ZNF385D: variants seen among roughly 807,000 people sequenced by gnomAD.
ZNF385D encodes zinc finger protein 659.
ZNF385D carries 15 observed loss-of-function variants against 35.8 expected under a neutral mutation model. The ratio of observed to expected loss-of-function variants is 0.42; its 90% confidence interval spans 0.28 to 0.64. The LOEUF is 0.64. ZNF385D is among the 30% of genes least tolerant of loss of function. The pLI, the probability that ZNF385D is intolerant of heterozygous loss-of-function variation, is 0.23. For synonymous variants in ZNF385D, 212 were observed against 186.8 expected (o/e 1.13, Z -1.10); for missense variants, 474 against 494.6 (o/e 0.96, Z 0.39).
At chr3:21,684,943 T>C (rs2067056637) in intron 1 of ZNF385D, among the ~76,000 whole-genome samples, 1 of 152,198 alleles carries the variant, frequency 6.6e-6, no homozygotes, top group Admixed American at 6.5e-5. Flanking sequence ...CAAACTCGTA[T>C]GGCAATTTGG....
rs527819216 is a variant in ZNF385D at position 22,351,206 on chromosome 3, G to GT, written c.106+21243dup. 3.7e-4 allele frequency among the ~76,000 whole-genome samples: 56 copies of GT among 152,168 alleles called. 1 individual carries two copies. The East Asian group carries it at 0.011, about 29-fold the overall frequency. The stretch of plus-strand genomic sequence containing the variant: ...ATGCAAAGTAGCCAGAATTGGTTTT[G>GT]TTTTCCATAAAGACAGTAATTTTAG... On this transcript the variant is annotated intron_variant, in intron 2 of 5. Transcript: ENST00000494108.
At chr3:21,699,006 A>G (rs1205918427) in intron 1 of ZNF385D, among the ~76,000 whole-genome samples, 1 of 152,254 alleles carries the variant, frequency 6.6e-6, no homozygotes, top group Non-Finnish European at 1.5e-5. Flanking sequence ...CCAAAGGATT[A>G]TAAATCATTC....
At chr3:21,768,066 T>C (rs1024314136) in intron 3 of ZNF385D, among the ~76,000 whole-genome samples, 21 of 152,074 alleles carry the variant, frequency 1.4e-4, no homozygotes, top group Non-Finnish European at 2.4e-4. Flanking sequence ...TCTGGCCTTG[T>C]TGTATGTAAT....
intron 3 of ZNF385D, among the ~76,000 whole-genome samples, chr3:22,084,986 A>C (rs1576291795): frequency 6.6e-6 from 1 of 152,220 alleles, no homozygotes; most frequent in Admixed American, 6.5e-5. Context: ...CCGGGTAAAT[A>C]ATGAAATGAA....
intron 3 of ZNF385D, among the ~76,000 whole-genome samples, chr3:22,032,266 A>G (rs1002391372): frequency 2.0e-5 from 3 of 152,174 alleles, no homozygotes; most frequent in Admixed American, 6.5e-5. Flanking sequence ...TTTTCACATT[A>G]TCTTTATACC....
intron 4 of ZNF385D, among the ~76,000 whole-genome samples, chr3:21,455,996 C>T (rs1354553246): frequency 6.6e-6 from 1 of 152,166 alleles, no homozygotes; most frequent in East Asian, 1.9e-4. Flanking sequence ...TGCTCATCAT[C>T]ACTGGCCATC....
At chr3:22,269,126 G>A (rs928692604) in intron 2 of ZNF385D, among the ~76,000 whole-genome samples, 1 of 151,900 alleles carries the variant, frequency 6.6e-6, no homozygotes, top group African/African-American at 2.4e-5. Flanking sequence ...CCCTGCCAAT[G>A]TATATCTGTA....
chr3:22,292,781 C>T (rs774879079), intron 2 of ZNF385D, among the ~76,000 whole-genome samples: 4 of 151,832 alleles, frequency 2.6e-5, no homozygotes, highest in Non-Finnish European at 5.9e-5. Context: ...GTTTATTTGC[C>T]ATTGACTTCT....
chr3:22,246,909 G>C (rs1699813282), intron 2 of ZNF385D, among the ~76,000 whole-genome samples: 1 of 150,130 alleles, frequency 6.7e-6, no homozygotes, highest in South Asian at 2.1e-4. Flanking sequence ...TAGATATGTA[G>C]GTAGCATATA....
Position 21,533,089 on chromosome 3 carries a change from G to C in ZNF385D, c.277-22066C>G, listed in dbSNP as rs796962868. Among the ~76,000 whole-genome samples, 3 of 152,092 alleles carry C rather than the reference G, an allele frequency of 2.0e-5. No homozygotes were observed. The South Asian group carries it at 6.2e-4, about 32-fold the overall frequency. On this transcript the variant is annotated intron_variant, in intron 3 of 7. Transcript: ENST00000281523. ...GCATAAAGCTACAGTGACAAACAAG[G>C]CCACAAGCCATCACAGGTCCCTGAA... is the stretch of plus-strand genomic sequence containing the variant.
In ZNF385D at chr3:21,567,396, C is replaced by T. The variant is rs1015344375; in HGVS notation, c.166-2712G>A. 3.9e-5 allele frequency among the ~76,000 whole-genome samples: 6 copies of T among 151,920 alleles called. No homozygotes were observed. In the East Asian group the frequency reaches 9.6e-4, roughly 24 times the overall value. On this transcript the variant is annotated intron_variant, in intron 2 of 7. Coordinates refer to ENST00000281523, the MANE Select transcript of ZNF385D (RefSeq NM_024697.3). ...AACCTTCCTCAATCTTTTATTATTT[C>T]CCCAGAACCAAAATTAACAATGCAC...
intron 2 of ZNF385D, among the ~76,000 whole-genome samples, chr3:22,327,875 G>C (rs2125455359): frequency 6.6e-6 from 1 of 152,214 alleles, no homozygotes; most frequent in Non-Finnish European, 1.5e-5. Context: ...TCTTCATTTT[G>C]TCTGTTTCAA....
intron 3 of ZNF385D, among the ~76,000 whole-genome samples, chr3:21,800,453 A>G (rs942566914): frequency 1.3e-5 from 2 of 152,130 alleles, no homozygotes; most frequent in Non-Finnish European, 2.9e-5. Context: ...TTTCAGAATA[A>G]AAGTTGAACA....
chr3:21,858,832 C>CA (rs1236699451), intron 3 of ZNF385D, among the ~76,000 whole-genome samples: 2 of 152,062 alleles, frequency 1.3e-5, no homozygotes, highest in Non-Finnish European at 2.9e-5. Context: ...TGGATTGCAT[C>CA]ATTAATTCAA....
chr3:22,033,325 C>T (rs1698117393), intron 3 of ZNF385D, among the ~76,000 whole-genome samples: 1 of 151,486 alleles, frequency 6.6e-6, no homozygotes, highest in Non-Finnish European at 1.5e-5. Context: ...TAACTTGAAC[C>T]CAGGAGACAG....
chr3:22,094,365 G>T (rs1418042644), intron 3 of ZNF385D, among the ~76,000 whole-genome samples: 1 of 67,164 alleles, frequency 1.5e-5, no homozygotes, highest in Non-Finnish European at 3.3e-5. Context: ...TTTTACCATT[G>T]TCTTCTGTCA....
intron 3 of ZNF385D, among the ~76,000 whole-genome samples, chr3:22,013,509 G>A (rs116175409): frequency 0.027 from 4,115 of 151,970 alleles, 201 homozygotes; most frequent in African/African-American, 0.094. Context: ...TTGATATTTC[G>A]GTTGGTGTCT....
chr3:22,168,676 T>C (rs1345938169), intron 3 of ZNF385D: 1 of 380,148 alleles, frequency 2.6e-6, no homozygotes, highest in Non-Finnish European at 3.6e-6. Context: ...TGTATTTTAA[T>C]GTACTCTGCT....
chr3:21,436,888 C>T (rs1463966216), intron 5 of ZNF385D, 82 bp downstream of exon 5: 1 of 1,316,880 alleles, frequency 7.6e-7, no homozygotes, highest in Non-Finnish European at 1.1e-6. Context: ...ACCCCTTTGT[C>T]CCCTGCTGCA....
Sources: gnomAD v4.1 joint callset for allele counts (sites outside exome capture counted in the v4.1 genomes callset) on GRCh38, gnomAD v4.1.1 for gene constraint, MANE v1.5 for transcripts, NCBI Gene and HGNC (gene_info 2026-07-23, HGNC 2026-07-21) for gene names.